Variants in SEPTIN10 observed in about 807,000 individuals in gnomAD.
SEPTIN10 encodes the protein septin 10.
A neutral mutation model predicts 54.8 loss-of-function variants in SEPTIN10; 66 were observed. The observed-to-expected ratio is 1.21, with a 90% CI of 0.99 to 1.48. The LOEUF is 1.48. SEPTIN10 is among the 40% of genes most tolerant of loss of function. SEPTIN10 has a pLI of 0.00. For missense variants in SEPTIN10, 620 were observed against 545.6 expected (o/e 1.14, Z -1.36); for synonymous variants, 161 against 181.0 (o/e 0.89, Z 0.89).
intron 4 of SEPTIN10, among the ~76,000 whole-genome samples, chr2:109,578,863 A>G (rs940459937): frequency 2.0e-5 from 3 of 152,224 alleles, no homozygotes; most frequent in African/African-American, 7.2e-5. Context: ...GTAGTTTATA[A>G]TACTAAATGC....
chr2:109,579,634 T>A (rs1194197015), intron 4 of SEPTIN10, among the ~76,000 whole-genome samples: 1 of 150,898 alleles, frequency 6.6e-6, no homozygotes, highest in African/African-American at 2.4e-5. Context: ...CCACCCACCT[T>A]GGCCTCCCAA....
intron 1 of SEPTIN10, among the ~76,000 whole-genome samples, chr2:109,609,954 C>T (rs1412038452): frequency 2.6e-5 from 4 of 152,040 alleles, no homozygotes; most frequent in African/African-American, 7.3e-5. Context: ...AATTATACAG[C>T]CAGGATCTCC....
At position 109,579,081 on chromosome 2, in the gene SEPTIN10, T is replaced by C. The variant is rs374385412; in HGVS notation, c.414-4314A>G. 3.9e-5 allele frequency among the ~76,000 whole-genome samples: 6 copies of C among 152,148 alleles called. 1 individual carries two copies. The highest frequency in any genetic ancestry group is 1.4e-4 in the African/African-American group (6 of 41,506). On this transcript the variant is annotated intron_variant, in intron 4 of 10. Coordinates refer to ENST00000397712, the MANE Select transcript of SEPTIN10 (RefSeq NM_144710.5). ...AGAAAAGCAGCACAAACAACTATTA[T>C]CAGGAAAGACAGAATATCATTACAG...
At chr2:109,550,022 A>G (rs942558433) in intron 9 of SEPTIN10, among the ~76,000 whole-genome samples, 2 of 152,064 alleles carry the variant, frequency 1.3e-5, no homozygotes, top group Non-Finnish European at 2.9e-5. Context: ...GTACTCAAAG[A>G]TCCTTTTAAA....
intron 10 of SEPTIN10, chr2:109,544,529 G>A: frequency 4.1e-6 from 4 of 984,428 alleles, no homozygotes; most frequent in Non-Finnish European, 4.8e-6. Flanking sequence ...TCCTGATTTT[G>A]CAAACAACAG....
At chr2:109,551,814 T>C (rs914487511) in intron 9 of SEPTIN10, among the ~76,000 whole-genome samples, 5 of 152,228 alleles carry the variant, frequency 3.3e-5, no homozygotes, top group Admixed American at 1.3e-4. Context: ...AAATCATGTA[T>C]TTTCAAGAAA....
At chr2:109,589,145 TTTG>T (rs1187364917) in intron 2 of SEPTIN10, among the ~76,000 whole-genome samples, 1 of 152,092 alleles carries the variant, frequency 6.6e-6, no homozygotes, top group Non-Finnish European at 1.5e-5. Context: ...TGTTTTGTTT[TTTG>T]TTTTTCTTTT....
At chr2:109,568,823 GACTT>G (rs757432734) in intron 5 of SEPTIN10, among the ~76,000 whole-genome samples, 17 of 152,124 alleles carry the variant, frequency 1.1e-4, no homozygotes, top group Non-Finnish European at 1.8e-4. Context: ...CACTGTCACA[GACTT>G]ACTTAGACAG....
At chr2:109,557,249 A>C (rs1355225407) in intron 8 of SEPTIN10, among the ~76,000 whole-genome samples, 1 of 152,246 alleles carries the variant, frequency 6.6e-6, no homozygotes, top group East Asian at 1.9e-4. Flanking sequence ...ATGCTTCATT[A>C]ATCTATACAA....
chr2:109,577,912 C>CG (rs1491572606), intron 4 of SEPTIN10, among the ~76,000 whole-genome samples: 3 of 92,344 alleles, frequency 3.2e-5, no homozygotes, highest in African/African-American at 1.2e-4. Flanking sequence ...GACTTTGTCT[C>CG]AAAAAAAAAA....
At chr2:109,545,278 C>T (rs762766473) in intron 10 of SEPTIN10, 100 of 1,415,456 alleles carry the variant, frequency 7.1e-5, no homozygotes, top group Non-Finnish European at 8.7e-5. Flanking sequence ...GACAGGGATA[C>T]TTAAGTGGGA....
chr2:109,608,440 T>C (rs1698507383), intron 1 of SEPTIN10, among the ~76,000 whole-genome samples: 1 of 152,194 alleles, frequency 6.6e-6, no homozygotes, highest in African/African-American at 2.4e-5. Flanking sequence ...CTTGATCTGA[T>C]TCTTAAGGGA....
intron 4 of SEPTIN10, among the ~76,000 whole-genome samples, chr2:109,576,818 TTAAGAG>T (rs1410035591): frequency 2.0e-5 from 3 of 152,110 alleles, no homozygotes; most frequent in East Asian, 1.9e-4. Context: ...ATCAGAGCGA[TTAAGAG>T]TAAAAGACAC....
At chr2:109,554,156 A>G (rs772349837) in intron 8 of SEPTIN10, among the ~76,000 whole-genome samples, 2 of 152,202 alleles carry the variant, frequency 1.3e-5, no homozygotes, top group African/African-American at 4.8e-5. Context: ...TAATTACCCA[A>G]TTTTTGGTGC....
chr2:109,613,108 A>G, intron 1 of SEPTIN10: 2 of 1,124,442 alleles, frequency 1.8e-6, no homozygotes, highest in Non-Finnish European at 2.4e-6. Context: ...AGATCACTCC[A>G]TACCATGTAG....
chr2:109,552,681 T>G (rs189992923), intron 9 of SEPTIN10: 158 of 179,518 alleles, frequency 8.8e-4, no homozygotes, highest in Non-Finnish European at 1.3e-3. Flanking sequence ...AAACATCCAG[T>G]CGTGTTTCTT....
chr2:109,551,835 TC>T (rs1210402869), intron 9 of SEPTIN10, among the ~76,000 whole-genome samples: 1 of 152,242 alleles, frequency 6.6e-6, no homozygotes, highest in African/African-American at 2.4e-5. Context: ...ATAGCTTTAC[TC>T]AAAACCTAAA....
chr2:109,546,330 C>T lies in SEPTIN10; in HGVS notation c.1162-93G>A, dbSNP rs548645201. 255 of 736,832 alleles carry T rather than the reference C, an allele frequency of 3.5e-4. 1 individual carries two copies. In the African/African-American group the frequency reaches 4.5e-3, roughly 13 times the overall value. The allele number at this position is 736,832 out of a possible 1,614,324, so 45.6% of individuals were successfully genotyped here. On this transcript the variant is annotated intron_variant, in intron 9 of 10. Coordinates refer to ENST00000397712, the MANE Select transcript of SEPTIN10 (RefSeq NM_144710.5). ...CAACACAAAGGCGGACCCCATAGCG[C>T]AACACAGAATAACCTACACAGTCAA...
chr2:109,597,243 A>G (rs913417967), intron 1 of SEPTIN10, among the ~76,000 whole-genome samples: 1 of 152,206 alleles, frequency 6.6e-6, no homozygotes, highest in Non-Finnish European at 1.5e-5. Context: ...GCCTGGCTGG[A>G]AAAGGTTTTT....
Sources: gnomAD v4.1 joint callset for allele counts (sites outside exome capture counted in the v4.1 genomes callset) on GRCh38, gnomAD v4.1.1 for gene constraint, MANE v1.5 for transcripts, NCBI Gene and HGNC (gene_info 2026-07-23, HGNC 2026-07-21) for gene names.